USP54: variants seen among roughly 807,000 people sequenced by gnomAD.
USP54 encodes the protein ubiquitin carboxyl-terminal hydrolase 54.
A neutral mutation model predicts 170.5 loss-of-function variants in USP54; 87 were observed. The observed-to-expected ratio is 0.51, with a 90% CI of 0.43 to 0.61. The LOEUF (loss-of-function observed/expected upper bound fraction) is 0.61. USP54 is among the 20% of genes least tolerant of loss of function. The pLI is 0.00. For synonymous variants in USP54, 655 were observed against 742.8 expected (o/e 0.88, Z 1.92); for missense variants, 1,786 against 2,047.8 (o/e 0.87, Z 2.47).
intron 1 of USP54, among the ~76,000 whole-genome samples, chr10:73,599,434 T>C (rs1002197434): frequency 2.6e-5 from 4 of 152,234 alleles, no homozygotes; most frequent in Admixed American, 1.3e-4. Flanking sequence ...TCCTTTATAA[T>C]TGAATTTTCC....
intron 1 of USP54, among the ~76,000 whole-genome samples, chr10:73,606,154 G>T (rs776040099): frequency 4.3e-5 from 6 of 139,692 alleles, no homozygotes; most frequent in Non-Finnish European, 9.2e-5. Context: ...CTCCAGCCTG[G>T]GCGACAGAGT....
intron 3 of USP54, among the ~76,000 whole-genome samples, chr10:73,573,700 G>A (rs762111233): frequency 3.3e-5 from 5 of 152,192 alleles, no homozygotes; most frequent in Non-Finnish European, 5.9e-5. Flanking sequence ...AAGAGGCGGA[G>A]GTGGCAGTGA....
intron 3 of USP54, among the ~76,000 whole-genome samples, chr10:73,574,296 C>G (rs1212109290): frequency 6.6e-6 from 1 of 151,780 alleles, no homozygotes; most frequent in Non-Finnish European, 1.5e-5. Context: ...GACTAGACAC[C>G]AGTTATGAGC....
chr10:73,592,297 T>G (rs571348316), upstream of USP54, among the ~76,000 whole-genome samples: 1 of 152,252 alleles, frequency 6.6e-6, no homozygotes, highest in South Asian at 2.1e-4. Context: ...GAAGGTCTGT[T>G]GTGTTTCTAT....
At chr10:73,565,751 G>A (rs570814674) in intron 4 of USP54, among the ~76,000 whole-genome samples, 1 of 152,092 alleles carries the variant, frequency 6.6e-6, no homozygotes, top group Non-Finnish European at 1.5e-5. Context: ...AGCAATTCCA[G>A]TCCTGGGCAT....
chr10:73,598,130 G>T (rs1442450780), intron 1 of USP54, among the ~76,000 whole-genome samples: 1 of 152,092 alleles, frequency 6.6e-6, no homozygotes, highest in Non-Finnish European at 1.5e-5. Flanking sequence ...TGGAAGAAAT[G>T]AACAGAATTA....
chr10:73,569,180 T>C (rs2074483564), intron 4 of USP54, among the ~76,000 whole-genome samples: 1 of 152,204 alleles, frequency 6.6e-6, no homozygotes, highest in African/African-American at 2.4e-5. Flanking sequence ...AACACGTTTT[T>C]TTGTTTTTTT....
chr10:73,505,596 C>A, intron 20 of USP54, 170 bp from the exon 21 acceptor site: 2 of 560,398 alleles, frequency 3.6e-6, no homozygotes, highest in Non-Finnish European at 6.2e-6. Context: ...AGGGGCTGGG[C>A]GCGGTGGCTC....
chr10:73,520,114 G>T (rs951895324), intron 18 of USP54, 122 bp from the exon 19 acceptor site: 2 of 1,366,504 alleles, frequency 1.5e-6, no homozygotes, highest in African/African-American at 1.4e-5. Context: ...TAGCAGGAAC[G>T]CAAGGCATGG....
At chr10:73,529,598 T>C in intron 15 of USP54, 82 bp downstream of exon 15, 1 of 1,490,724 alleles carries the variant, frequency 6.7e-7, no homozygotes, top group Non-Finnish European at 9.4e-7. Flanking sequence ...CCTCCACTTG[T>C]CTCAGCCATG....
chr10:73,517,793 G>A, intron 19 of USP54, 46 bp from the exon 20 acceptor site: 1 of 1,551,334 alleles, frequency 6.4e-7, no homozygotes, highest in Non-Finnish European at 8.7e-7. Context: ...TTGACTGACA[G>A]GAACACTTAC....
intron 19 of USP54, chr10:73,518,118 A>T: frequency 1.1e-6 from 1 of 940,280 alleles, no homozygotes; most frequent in Non-Finnish European, 1.3e-6. Flanking sequence ...CATGGAAGGT[A>T]AGCAAAGCCT....
chr10:73,515,169 T>A (rs531155376), intron 20 of USP54, among the ~76,000 whole-genome samples: 1 of 152,332 alleles, frequency 6.6e-6, no homozygotes, highest in East Asian at 1.9e-4. Flanking sequence ...GTTGTCAGCA[T>A]GCAAGGAACC....
At chr10:73,565,502 C>A (rs967619748) in intron 4 of USP54, among the ~76,000 whole-genome samples, 2 of 151,724 alleles carry the variant, frequency 1.3e-5, no homozygotes, top group African/African-American at 2.4e-5. Context: ...GGCAACAGAA[C>A]AAGATCCTAT....
At chr10:73,601,783 C>A (rs2079183922) in intron 1 of USP54, among the ~76,000 whole-genome samples, 1 of 152,180 alleles carries the variant, frequency 6.6e-6, no homozygotes, top group Admixed American at 6.5e-5. Context: ...TGCCTAGTGC[C>A]ATGGAATCAT....
At chr10:73,612,110 A>AAAAAT (rs1475128420) in intron 1 of USP54, among the ~76,000 whole-genome samples, 1 of 152,162 alleles carries the variant, frequency 6.6e-6, no homozygotes, top group Non-Finnish European at 1.5e-5. Context: ...ACCCTGTCTC[A>AAAAAT]AAAATAAAAT....
At chr10:73,597,678 T>G (rs1465881086) in intron 1 of USP54, among the ~76,000 whole-genome samples, 1 of 152,198 alleles carries the variant, frequency 6.6e-6, no homozygotes, top group Non-Finnish European at 1.5e-5. Flanking sequence ...TGCGGCCAGC[T>G]CTATGTGAAT....
At chr10:73,625,574 G>C (rs56953339) in exon 1 of USP54, 25,209 of 152,408 alleles carry the variant, frequency 0.17, 3,475 homozygotes, top group African/African-American at 0.36. Flanking sequence ...TACCCTCCTC[G>C]TCGCTGTACC....
At chr10:73,606,146 C>G (rs1589390177) in intron 1 of USP54, among the ~76,000 whole-genome samples, 1 of 140,140 alleles carries the variant, frequency 7.1e-6, no homozygotes, top group African/African-American at 2.7e-5. Context: ...CCACTGCACT[C>G]CAGCCTGGGC....
Sources: gnomAD v4.1 joint callset for allele counts (sites outside exome capture counted in the v4.1 genomes callset) on GRCh38, gnomAD v4.1.1 for gene constraint, MANE v1.5 for transcripts, NCBI Gene and HGNC (gene_info 2026-07-23, HGNC 2026-07-21) for gene names.